The following FRYL variants were observed in gnomAD, a reference collection of about 807,000 sequenced individuals.
FRYL encodes the protein protein furry homolog-like.
A neutral mutation model predicts 351.2 loss-of-function variants in FRYL; 150 were observed. The ratio of observed to expected loss-of-function variants is 0.43; its 90% CI spans 0.37 to 0.49. The LOEUF is 0.49. Ranked by LOEUF, FRYL falls within the 20% of genes least tolerant of loss-of-function variation. The pLI is 0.00. For synonymous variants in FRYL, 1,153 were observed against 1,257.1 expected (o/e 0.92, Z 1.75); for missense variants, 3,036 against 3,619.3 (o/e 0.84, Z 4.13).
chr4:48,773,126 T>A (rs1775684376), intron 1 of FRYL, among the ~76,000 whole-genome samples: 2 of 152,198 alleles, frequency 1.3e-5, no homozygotes. Flanking sequence ...TCTCAAAATG[T>A]AAACTGCATC....
At chr4:48,664,172 A>G (rs1294108846) in intron 3 of FRYL, among the ~76,000 whole-genome samples, 1 of 152,222 alleles carries the variant, frequency 6.6e-6, no homozygotes, top group African/African-American at 2.4e-5. Flanking sequence ...TGATTCTCAG[A>G]GAACATCTGA....
chr4:48,711,856 C>G (rs1247462388), intron 1 of FRYL, among the ~76,000 whole-genome samples: 1 of 152,156 alleles, frequency 6.6e-6, no homozygotes, highest in Non-Finnish European at 1.5e-5. Flanking sequence ...GCCGGGTACT[C>G]CTCTGAGACA....
intron 1 of FRYL, among the ~76,000 whole-genome samples, chr4:48,760,454 G>C (rs1459659977): frequency 1.3e-5 from 2 of 152,028 alleles, no homozygotes; most frequent in Non-Finnish European, 2.9e-5. Flanking sequence ...TCTTAGGGTT[G>C]TCTATACACA....
chr4:48,745,431 G>T (rs1772558913), intron 1 of FRYL, among the ~76,000 whole-genome samples: 1 of 152,112 alleles, frequency 6.6e-6, no homozygotes, highest in Non-Finnish European at 1.5e-5. Flanking sequence ...CCATAAAAAA[G>T]GATGAGTTCA....
At chr4:48,693,834 G>A (rs1765883663) in intron 2 of FRYL, among the ~76,000 whole-genome samples, 1 of 152,068 alleles carries the variant, frequency 6.6e-6, no homozygotes, top group South Asian at 2.1e-4. Flanking sequence ...AATACAATTA[G>A]GCCTCTGTAT....
chr4:48,511,595 T>C (rs1722488303), intron 57 of FRYL, among the ~76,000 whole-genome samples: 2 of 152,158 alleles, frequency 1.3e-5, no homozygotes, highest in South Asian at 4.1e-4. Context: ...GGCATTATGA[T>C]TAAAATAAAA....
intron 1 of FRYL, among the ~76,000 whole-genome samples, chr4:48,771,853 T>A (rs1775549731): frequency 6.6e-6 from 1 of 152,068 alleles, no homozygotes; most frequent in South Asian, 2.1e-4. Context: ...AAACATCAAA[T>A]TATAAAGAGG....
chr4:48,722,609 G>T (rs1769613178), intron 1 of FRYL, among the ~76,000 whole-genome samples: 1 of 152,114 alleles, frequency 6.6e-6, no homozygotes, highest in Admixed American at 6.5e-5. Flanking sequence ...AATTTCTTCT[G>T]ATCACAGTAC....
rs1470321584 is a variant in FRYL at position 48,540,425 on chromosome 4, T to C, written c.6223A>G (p.Met2075Val). 1 of 1,613,930 alleles carries C rather than the reference T, an allele frequency of 6.2e-7. No homozygotes were observed. The change falls in exon 46 of 64, where the codon ATG (methionine) becomes GTG (valine). Residue 2075 changes from methionine to valine, a missense_variant. Physicochemically the swap from Met to Val is conservative, Grantham distance 21. Transcript: ENST00000358350. Reference protein sequence around the residue: ...KGFTSASTQEMTVHLLSKLIS... With the variant: ...KGFTSASTQEVTVHLLSKLIS... ...AGTTTACTGAGGAGGTGCACGGTCA[T>C]TTCTTGTGTAGATGCTGAGGTAAAA...
intron 1 of FRYL, among the ~76,000 whole-genome samples, chr4:48,730,679 G>A (rs1337962252): frequency 6.6e-6 from 1 of 152,136 alleles, no homozygotes; most frequent in Non-Finnish European, 1.5e-5. Flanking sequence ...ACAAGCAAAT[G>A]CTGAGAGATT....
intron 3 of FRYL, among the ~76,000 whole-genome samples, chr4:48,681,432 G>C (rs1764597093): frequency 6.6e-6 from 1 of 152,120 alleles, no homozygotes; most frequent in African/African-American, 2.4e-5. Context: ...CGTCCATCTA[G>C]TTTAACATTT....
At chr4:48,691,964 TATTTCATGA>T (rs1018335835) in intron 2 of FRYL, among the ~76,000 whole-genome samples, 32 of 152,232 alleles carry the variant, frequency 2.1e-4, no homozygotes, top group African/African-American at 7.7e-4. Flanking sequence ...ACTGCAGTGC[TATTTCATGA>T]ATGTTGCTGA....
chr4:48,761,692 T>C (rs1326235377), intron 1 of FRYL, among the ~76,000 whole-genome samples: 1 of 152,112 alleles, frequency 6.6e-6, no homozygotes, highest in Non-Finnish European at 1.5e-5. Context: ...TCTAGACGAG[T>C]AAGTATCTAA....
chr4:48,709,705 G>A (rs762732635), intron 2 of FRYL, among the ~76,000 whole-genome samples: 2 of 152,088 alleles, frequency 1.3e-5, no homozygotes, highest in African/African-American at 2.4e-5. Context: ...CATTTCAGAC[G>A]AGAAAACTGC....
intron 1 of FRYL, among the ~76,000 whole-genome samples, chr4:48,722,045 A>G (rs570236460): frequency 6.6e-6 from 1 of 152,302 alleles, no homozygotes; most frequent in South Asian, 2.1e-4. Flanking sequence ...AGTTGGGTAA[A>G]GCGTAGAAGA....
chr4:48,517,372 A>T (rs1425068520), intron 55 of FRYL, among the ~76,000 whole-genome samples: 1 of 152,154 alleles, frequency 6.6e-6, no homozygotes. Flanking sequence ...TTTCAAGATG[A>T]TATTTTATCT....
chr4:48,561,122 T>C (rs929701102), intron 33 of FRYL, among the ~76,000 whole-genome samples: 3 of 152,226 alleles, frequency 2.0e-5, no homozygotes, highest in Admixed American at 1.3e-4. Flanking sequence ...ATTAAACATA[T>C]GCCAATACAC....
At position 48,659,105 on chromosome 4, in the gene FRYL, C is replaced by T. The variant is rs143219374; in HGVS notation, c.-80-24615G>A. 5.9e-3 allele frequency among the ~76,000 whole-genome samples: 895 copies of T among 152,166 alleles called. 15 individuals are homozygous for T. The highest frequency in any genetic ancestry group is 0.021 in the African/African-American group (867 of 41,520). ...GTGGCTCACGCCTGTAATCCCAACA[C>T]TTTGGGAAGCCAAGGTGGGTGGATT... is the stretch of plus-strand genomic sequence containing the variant. On this transcript the variant is annotated intron_variant, in intron 3 of 63. Coordinates refer to ENST00000358350, the MANE Select transcript of FRYL (RefSeq NM_015030.2).
chr4:48,575,022 C>T lies in FRYL; in HGVS notation c.2846+95G>A, dbSNP rs1001420246. On this transcript the variant is annotated intron_variant, in intron 25 of 63. Coordinates refer to ENST00000358350, the MANE Select transcript of FRYL (RefSeq NM_015030.2). Reference sequence around the variant, plus strand: ...GCCTGGTATGCGGTCAAGCACTCTGCTTGACCCTACCACACCTTCTAAGGA... The same window carrying T: ...GCCTGGTATGCGGTCAAGCACTCTGTTTGACCCTACCACACCTTCTAAGGA... 1.5e-5 allele frequency: 18 copies of T among 1,222,364 alleles called. No individual in the cohort carries two copies. In the African/African-American group the frequency reaches 2.4e-4, roughly 16 times the overall value. 75.7% of individuals were successfully genotyped at this position (1,222,364 alleles called of 1,614,324 possible).
Sources: allele counts gnomAD v4.1 joint callset (sites outside exome capture counted in the v4.1 genomes callset), GRCh38; gene constraint gnomAD v4.1.1; transcripts MANE v1.5; gene names NCBI Gene and HGNC (gene_info 2026-07-23, HGNC 2026-07-21).